Variants in UBE2E2 observed in about 807,000 individuals in gnomAD.
UBE2E2 encodes ubiquitin-conjugating enzyme E2 E2.
UBE2E2 carries 6 observed loss-of-function variants against 24.7 expected under a neutral mutation model. The observed-to-expected ratio is 0.24, with a 90% confidence interval of 0.13 to 0.48. The LOEUF (loss-of-function observed/expected upper bound fraction) is 0.48, where lower values mean the gene tolerates loss of function less well. Among genes scored for constraint, UBE2E2 ranks in the 20% least tolerant of loss-of-function variants. The pLI is 0.99. For missense variants in UBE2E2, 169 were observed against 245.0 expected (o/e 0.69, Z 2.07); for synonymous variants, 104 against 83.6 (o/e 1.24, Z -1.33).
chr3:23,487,961 G>C (rs1363202473), intron 3 of UBE2E2, among the ~76,000 whole-genome samples: 1 of 151,400 alleles, frequency 6.6e-6, no homozygotes, highest in African/African-American at 2.4e-5. Context: ...GATGGGTCTT[G>C]GAGCTAGATG....
intron 3 of UBE2E2, among the ~76,000 whole-genome samples, chr3:23,244,649 TTC>T (rs1468875891): frequency 6.6e-6 from 1 of 152,098 alleles, no homozygotes; most frequent in Non-Finnish European, 1.5e-5. Flanking sequence ...TATTGGGTGG[TTC>T]TTGAATTTGT....
At chr3:23,419,973 G>A (rs577749041) in intron 3 of UBE2E2, among the ~76,000 whole-genome samples, 1 of 152,228 alleles carries the variant, frequency 6.6e-6, no homozygotes, top group Non-Finnish European at 1.5e-5. Context: ...GGGACAAAAT[G>A]CCTACTACTG....
At chr3:23,314,777 T>C (rs1694526154) in intron 3 of UBE2E2, among the ~76,000 whole-genome samples, 1 of 152,218 alleles carries the variant, frequency 6.6e-6, no homozygotes, top group African/African-American at 2.4e-5. Context: ...CATGCCACTC[T>C]ATGCTGGTCT....
chr3:23,222,160 C>T (rs1022732408), intron 3 of UBE2E2, among the ~76,000 whole-genome samples: 1 of 152,112 alleles, frequency 6.6e-6, no homozygotes, highest in Non-Finnish European at 1.5e-5. Flanking sequence ...ATCCATGTTG[C>T]TGCACATGAC....
intron 3 of UBE2E2, among the ~76,000 whole-genome samples, chr3:23,294,500 T>G (rs2125252292): frequency 6.6e-6 from 1 of 151,942 alleles, no homozygotes; most frequent in East Asian, 1.9e-4. Context: ...CTCATCTGTT[T>G]CCATTTATCT....
intron 3 of UBE2E2, among the ~76,000 whole-genome samples, chr3:23,496,370 G>A (rs933192570): frequency 6.6e-6 from 1 of 152,016 alleles, no homozygotes; most frequent in Non-Finnish European, 1.5e-5. Context: ...AACATACCCA[G>A]AACCATTGAA....
chr3:23,560,016 T>C (rs1032874952), intron 5 of UBE2E2, among the ~76,000 whole-genome samples: 2 of 152,106 alleles, frequency 1.3e-5, no homozygotes, highest in Admixed American at 6.6e-5. Context: ...CTGTATCTGT[T>C]TATTAATATG....
intron 3 of UBE2E2, among the ~76,000 whole-genome samples, chr3:23,442,782 AG>A (rs1284329710): frequency 1.3e-5 from 2 of 152,162 alleles, no homozygotes; most frequent in Non-Finnish European, 2.9e-5. Context: ...TGCATAGATA[AG>A]GGGGCGTGGT....
chr3:23,250,583 G>A (rs902458853), intron 3 of UBE2E2, among the ~76,000 whole-genome samples: 3 of 152,154 alleles, frequency 2.0e-5, no homozygotes, highest in Non-Finnish European at 4.4e-5. Flanking sequence ...CTGCATCTGC[G>A]ATGAAACTAT....
intron 3 of UBE2E2, among the ~76,000 whole-genome samples, chr3:23,461,960 A>G (rs1200115380): frequency 6.6e-6 from 1 of 152,192 alleles, no homozygotes; most frequent in Admixed American, 6.5e-5. Flanking sequence ...ATAACAAACT[A>G]ATTTCATCCA....
intron 3 of UBE2E2, among the ~76,000 whole-genome samples, chr3:23,340,142 C>T (rs1286813131): frequency 6.6e-6 from 1 of 152,000 alleles, no homozygotes; most frequent in East Asian, 1.9e-4. Flanking sequence ...ATGTCAGGCT[C>T]CAGATTTTCC....
intron 3 of UBE2E2, among the ~76,000 whole-genome samples, chr3:23,435,955 C>T (rs1026337923): frequency 1.3e-5 from 2 of 152,040 alleles, no homozygotes; most frequent in Admixed American, 1.3e-4. Context: ...GATCATCAAG[C>T]GTTAGTTAGA....
chr3:23,416,064 G>A (rs1204739605), intron 3 of UBE2E2, among the ~76,000 whole-genome samples: 2 of 152,156 alleles, frequency 1.3e-5, no homozygotes, highest in Non-Finnish European at 2.9e-5. Flanking sequence ...TCCCTACAAA[G>A]GACGTGAACT....
intron 3 of UBE2E2, among the ~76,000 whole-genome samples, chr3:23,287,997 G>C (rs1011543415): frequency 6.6e-6 from 1 of 151,634 alleles, no homozygotes; most frequent in African/African-American, 2.4e-5. Context: ...TGCTTTTCTG[G>C]TTCTTTAAAA....
chr3:23,430,565 G>A (rs1026782047), intron 3 of UBE2E2, among the ~76,000 whole-genome samples: 5 of 151,920 alleles, frequency 3.3e-5, no homozygotes, highest in Admixed American at 6.6e-5. Flanking sequence ...GTCTCACTCT[G>A]TCACCCAGAC....
intron 3 of UBE2E2, among the ~76,000 whole-genome samples, chr3:23,355,389 A>G (rs1168666951): frequency 6.6e-6 from 1 of 152,170 alleles, no homozygotes; most frequent in African/African-American, 2.4e-5. Flanking sequence ...AATGAAAGAC[A>G]AAAAAGAAGT....
rs899923576 is a variant in UBE2E2, at chr3:23,546,460, A to ATTTTTTT, written c.508+13782_508+13788dup. 7.5e-4 allele frequency among the ~76,000 whole-genome samples: 58 copies of ATTTTTTT among 76,878 alleles called. 1 individual carries two copies. The highest frequency in any genetic ancestry group is 9.5e-4 in the Non-Finnish European group (38 of 39,860). 50.4% of individuals were successfully genotyped at this position (76,878 alleles called of 152,430 possible). A position where few individuals can be genotyped will look rare whatever the true frequency, so the allele number is the denominator to read the frequency against. ...AATTTCTGAAGTCAAGAACATTTAG[A>ATTTTTTT]TTTTTTTTTTTTTTTTTTTTTTTTT... On this transcript the variant is annotated intron_variant, in intron 5 of 5. Transcript: ENST00000396703.
intron 3 of UBE2E2, among the ~76,000 whole-genome samples, chr3:23,229,455 C>T (rs1358409567): frequency 2.6e-5 from 4 of 152,122 alleles, no homozygotes; most frequent in Non-Finnish European, 2.9e-5. Context: ...CCCACCCTTT[C>T]CCCCTGAGTC....
intron 4 of UBE2E2, among the ~76,000 whole-genome samples, chr3:23,521,374 A>G (rs372167151): frequency 3.0e-4 from 45 of 152,216 alleles, no homozygotes; most frequent in African/African-American, 9.2e-4. Flanking sequence ...TCCATTAACT[A>G]TCTCAGCTGT....
Sources: gnomAD v4.1 joint callset for allele counts (sites outside exome capture counted in the v4.1 genomes callset) on GRCh38, gnomAD v4.1.1 for gene constraint, MANE v1.5 for transcripts, NCBI Gene and HGNC (gene_info 2026-07-23, HGNC 2026-07-21) for gene names.